The following HDAC9 variants were observed in gnomAD, a reference collection of about 807,000 sequenced individuals.
The protein encoded by HDAC9 is MEF-2 interacting transcription repressor (MITR) protein.
Under a neutral mutation model 139.4 loss-of-function variants are expected in HDAC9, and 41 were observed. The ratio of observed to expected loss-of-function variants is 0.29; its 90% CI spans 0.23 to 0.38. The LOEUF is 0.38. Ranked by LOEUF, HDAC9 falls within the 10% of genes least tolerant of loss-of-function variation. HDAC9 has a pLI of 1.00. For synonymous variants in HDAC9, 517 were observed against 476.2 expected (o/e 1.09, Z -1.12); for missense variants, 1,147 against 1,297.0 (o/e 0.88, Z 1.78).
At chr7:18,632,109 T>A (rs1782537617) in intron 7 of HDAC9, among the ~76,000 whole-genome samples, 1 of 151,976 alleles carries the variant, frequency 6.6e-6, no homozygotes, top group Non-Finnish European at 1.5e-5. Flanking sequence ...TCAGTCATAT[T>A]GTAAAGACGA....
intron 2 of HDAC9, among the ~76,000 whole-genome samples, chr7:18,163,283 T>G (rs1268424067): frequency 1.3e-5 from 2 of 152,186 alleles, no homozygotes; most frequent in East Asian, 3.9e-4. Context: ...AACTTGATTC[T>G]AAATGGTGCA....
upstream of HDAC9, chr7:18,290,379 A>G: frequency 2.3e-6 from 1 of 441,398 alleles, no homozygotes. Context: ...GGACTGATAA[A>G]ATTAGCAAGT....
intron 1 of HDAC9, among the ~76,000 whole-genome samples, chr7:18,150,352 T>C (rs1293917088): frequency 6.6e-6 from 1 of 152,198 alleles, no homozygotes; most frequent in African/African-American, 2.4e-5. Context: ...ATGTTATTGC[T>C]AGCAAAAACT....
At chr7:18,490,980 A>G (rs1031138879), upstream of HDAC9, among the ~76,000 whole-genome samples, 2 of 151,926 alleles carry the variant, frequency 1.3e-5, no homozygotes, top group African/African-American at 4.8e-5. Context: ...TTCCAGAATC[A>G]TAGGGTTTGT....
At chr7:18,427,760 C>T (rs1790259386) in intron 1 of HDAC9, among the ~76,000 whole-genome samples, 1 of 151,364 alleles carries the variant, frequency 6.6e-6, no homozygotes, top group African/African-American at 2.4e-5. Context: ...GGGTGAGACC[C>T]ACCCTCTTAA....
chr7:18,662,485 C>T (rs1325503503), intron 11 of HDAC9, among the ~76,000 whole-genome samples: 1 of 151,894 alleles, frequency 6.6e-6, no homozygotes, highest in Non-Finnish European at 1.5e-5. Context: ...AGCATTCCAG[C>T]AGAGAGGGGA....
At chr7:18,514,150 C>A (rs79352872) in intron 2 of HDAC9, among the ~76,000 whole-genome samples, 3 of 151,994 alleles carry the variant, frequency 2.0e-5, no homozygotes, top group African/African-American at 7.3e-5. Context: ...TGTGTATATG[C>A]GTTGTATGTG....
chr7:18,372,798 A>T (rs1784695601), intron 1 of HDAC9, among the ~76,000 whole-genome samples: 2 of 152,190 alleles, frequency 1.3e-5, no homozygotes, highest in African/African-American at 4.8e-5. Context: ...GATGTCAGTG[A>T]TGCCATGGTA....
At chr7:18,358,670 G>A (rs1251030095) in intron 1 of HDAC9, among the ~76,000 whole-genome samples, 1 of 152,168 alleles carries the variant, frequency 6.6e-6, no homozygotes, top group African/African-American at 2.4e-5. Context: ...TTAATCGAAT[G>A]CATGGTGCCA....
chr7:18,545,975 C>G (rs967425694), intron 2 of HDAC9, among the ~76,000 whole-genome samples: 5 of 152,182 alleles, frequency 3.3e-5, no homozygotes, highest in Non-Finnish European at 7.3e-5. Context: ...TTTACTTCCT[C>G]AGATTACATT....
At position 18,696,381 on chromosome 7, in the gene HDAC9, T is replaced by C. The variant is rs62446571; in HGVS notation, c.1731+29905T>C. On this transcript the variant is annotated intron_variant, in intron 12 of 25. Transcript: ENST00000686413. ...TATATGTTATAATTATATAGTATAA[T>C]AACATATTATACTATATAATGTATA... 3.0e-3 allele frequency among the ~76,000 whole-genome samples: 441 copies of C among 148,386 alleles called. 1 individual carries two copies. The highest frequency in any genetic ancestry group is 5.0e-3 in the Non-Finnish European group (335 of 67,314).
chr7:18,934,076 A>G (rs532280221), intron 22 of HDAC9, among the ~76,000 whole-genome samples: 1 of 152,338 alleles, frequency 6.6e-6, no homozygotes, highest in Admixed American at 6.5e-5. Context: ...AATGTAATAG[A>G]GTAAACAAAC....
intron 6 of HDAC9, among the ~76,000 whole-genome samples, chr7:18,606,135 G>T (rs1447916603): frequency 6.6e-6 from 1 of 152,158 alleles, no homozygotes; most frequent in South Asian, 2.1e-4. Context: ...GTGATTTTCT[G>T]TATTTTCCTA....
chr7:18,633,594 A>G (rs1269917615), intron 7 of HDAC9, among the ~76,000 whole-genome samples: 1 of 152,082 alleles, frequency 6.6e-6, no homozygotes, highest in African/African-American at 2.4e-5. Context: ...AGTAGAAAGA[A>G]AAGATGCTGG....
chr7:18,375,996 T>A (rs1562931407), intron 1 of HDAC9, among the ~76,000 whole-genome samples: 2 of 152,176 alleles, frequency 1.3e-5, no homozygotes, highest in Non-Finnish European at 2.9e-5. Context: ...ATAGGCAAGA[T>A]CATTAAAACA....
intron 1 of HDAC9, among the ~76,000 whole-genome samples, chr7:18,422,742 GCGCACACACACACACA>G (rs779557720): frequency 7.3e-6 from 1 of 136,216 alleles, no homozygotes; most frequent in Non-Finnish European, 1.6e-5. Context: ...ACACACACAC[GCGCACACACACACACA>G]CACACACACA....
intron 1 of HDAC9, among the ~76,000 whole-genome samples, chr7:18,299,629 G>A (rs1040404226): frequency 6.6e-6 from 1 of 152,182 alleles, no homozygotes; most frequent in Non-Finnish European, 1.5e-5. Flanking sequence ...AGAGGTTAGA[G>A]AAAGAAAGGT....
chr7:18,489,653 A>G (rs902648549), intron 1 of HDAC9, among the ~76,000 whole-genome samples: 5 of 152,026 alleles, frequency 3.3e-5, no homozygotes, highest in African/African-American at 1.2e-4. Flanking sequence ...ATACATTTAT[A>G]TCTTCAGGGC....
chr7:18,137,966 A>G (rs1785558827), intron 1 of HDAC9, among the ~76,000 whole-genome samples: 1 of 151,782 alleles, frequency 6.6e-6, no homozygotes, highest in Admixed American at 6.6e-5. Context: ...GCTATTGATT[A>G]TTGCCACAAT....
Sources: gnomAD v4.1 joint callset for allele counts (sites outside exome capture counted in the v4.1 genomes callset) on GRCh38, gnomAD v4.1.1 for gene constraint, MANE v1.5 for transcripts, NCBI Gene and HGNC (gene_info 2026-07-23, HGNC 2026-07-21) for gene names.